The following REDIC1 variants were observed in gnomAD, a reference collection of about 807,000 sequenced individuals.
The protein encoded by REDIC1 is HEI10 Interacting Protein 1.
chr12:39,699,217 C>T, the REDIC1 span, among the ~76,000 whole-genome samples: 1 of 152,136 alleles, frequency 6.6e-6, no homozygotes, highest in Non-Finnish European at 1.5e-5. Context: ...GAGTGCCAGA[C>T]AGTGGGCGCA....
the REDIC1 span, among the ~76,000 whole-genome samples, chr12:39,673,748 AG>A: frequency 1.3e-5 from 2 of 152,290 alleles, no homozygotes; most frequent in East Asian, 3.9e-4. Flanking sequence ...CTCCAACACA[AG>A]GCATCCCATC....
chr12:39,626,495 G>T, the REDIC1 span: 3 of 1,115,348 alleles, frequency 2.7e-6, no homozygotes, highest in Non-Finnish European at 3.9e-6. Context: ...ATCCAAATCG[G>T]GTTGGAGACT....
chr12:39,863,720 CTT>C, the REDIC1 span, among the ~76,000 whole-genome samples: 1 of 152,108 alleles, frequency 6.6e-6, no homozygotes, highest in Non-Finnish European at 1.5e-5. Context: ...AATAAACAAA[CTT>C]ATCAGTAAAA....
chr12:39,639,381 G>T, the REDIC1 span, among the ~76,000 whole-genome samples: 1 of 151,950 alleles, frequency 6.6e-6, no homozygotes, highest in African/African-American at 2.4e-5. Context: ...GTAGGGTTGA[G>T]CCTGGTTAGT....
chr12:39,883,811 G>A, the REDIC1 span, among the ~76,000 whole-genome samples: 3 of 152,144 alleles, frequency 2.0e-5, no homozygotes, highest in South Asian at 2.1e-4. Flanking sequence ...GAATCTCTAC[G>A]GAATCACAAA....
the REDIC1 span, among the ~76,000 whole-genome samples, chr12:39,799,031 A>G: frequency 6.7e-6 from 1 of 150,128 alleles, no homozygotes; most frequent in Admixed American, 6.6e-5. Context: ...TCCCCACTTC[A>G]GATAATACAG....
the REDIC1 span, among the ~76,000 whole-genome samples, chr12:39,762,950 C>A: frequency 6.6e-6 from 1 of 151,960 alleles, no homozygotes; most frequent in African/African-American, 2.4e-5. Context: ...AGGATAAATT[C>A]AAGAAAGAGG....
At chr12:39,825,637 G>T in the REDIC1 span, among the ~76,000 whole-genome samples, 1 of 152,026 alleles carries the variant, frequency 6.6e-6, no homozygotes, top group African/African-American at 2.4e-5. Flanking sequence ...ATTCTCTTAT[G>T]AATTTAAAAA....
chr12:39,813,561 T>G, the REDIC1 span, among the ~76,000 whole-genome samples: 1 of 152,132 alleles, frequency 6.6e-6, no homozygotes, highest in Non-Finnish European at 1.5e-5. Flanking sequence ...CCTGAAAAAT[T>G]AACAATAATT....
the REDIC1 span, among the ~76,000 whole-genome samples, chr12:39,804,527 TCCC>T: frequency 2.0e-5 from 3 of 152,196 alleles, no homozygotes; most frequent in Non-Finnish European, 4.4e-5. Context: ...GCTTTGGTAT[TCCC>T]TGATTTCTTA....
chr12:39,862,390 T>G, the REDIC1 span, among the ~76,000 whole-genome samples: 1 of 152,238 alleles, frequency 6.6e-6, no homozygotes, highest in Non-Finnish European at 1.5e-5. Flanking sequence ...TACTCATCAC[T>G]GTGGTCTATA....
chr12:39,653,573 T>TCTTCTTCTTCTTC, the REDIC1 span, among the ~76,000 whole-genome samples: 28 of 63,534 alleles, frequency 4.4e-4, no homozygotes, highest in South Asian at 2.2e-3. Flanking sequence ...TCTTCTTCTT[T>TCTTCTTCTTCTTC]TTCTTCCTCT....
chr12:39,787,920 T>C, the REDIC1 span, among the ~76,000 whole-genome samples: 4 of 152,188 alleles, frequency 2.6e-5, no homozygotes, highest in African/African-American at 9.6e-5. Context: ...AGCAGTATTG[T>C]CACCTACAAA....
the REDIC1 span, among the ~76,000 whole-genome samples, chr12:39,714,268 T>C: frequency 1.4e-3 from 152 of 112,352 alleles, 27 homozygotes; most frequent in South Asian, 0.022. Flanking sequence ...CATGCATATA[T>C]GTATATATGT....
the REDIC1 span, among the ~76,000 whole-genome samples, chr12:39,781,736 A>C: frequency 1.3e-5 from 2 of 152,228 alleles, no homozygotes; most frequent in Non-Finnish European, 2.9e-5. Flanking sequence ...CAAGCATACA[A>C]CATAAAAGAG....
chr12:39,714,053 A>T, the REDIC1 span, among the ~76,000 whole-genome samples: 1 of 147,490 alleles, frequency 6.8e-6, no homozygotes, highest in Non-Finnish European at 1.5e-5. Flanking sequence ...ACACATGTAT[A>T]TACACGTATG....
the REDIC1 span, among the ~76,000 whole-genome samples, chr12:39,669,758 G>T: frequency 1.3e-5 from 2 of 152,208 alleles, no homozygotes; most frequent in African/African-American, 4.8e-5. Flanking sequence ...CGTGGTGGGC[G>T]CCCCTCCCAG....
At chr12:39,704,982 T>A in the REDIC1 span, among the ~76,000 whole-genome samples, 1 of 150,822 alleles carries the variant, frequency 6.6e-6, no homozygotes, top group Non-Finnish European at 1.5e-5. Flanking sequence ...AGATGACGAG[T>A]TAGTGGGTGC....
the REDIC1 span, among the ~76,000 whole-genome samples, chr12:39,773,979 TC>T: frequency 6.6e-6 from 1 of 152,166 alleles, no homozygotes; most frequent in African/African-American, 2.4e-5. Context: ...TATTTCCAGT[TC>T]CTGACGCAGG....
Sources: gnomAD v4.1 joint callset for allele counts (sites outside exome capture counted in the v4.1 genomes callset) on GRCh38, gnomAD v4.1.1 for gene constraint, MANE v1.5 for transcripts, NCBI Gene and HGNC (gene_info 2026-07-23, HGNC 2026-07-21) for gene names.